The following CDH19 variants were observed in gnomAD, a reference collection of about 807,000 sequenced individuals.
The protein encoded by CDH19 is cadherin 19.
CDH19 carries 67 observed loss-of-function variants against 64.2 expected under a neutral mutation model. The ratio of observed to expected loss-of-function variants is 1.04; its 90% CI spans 0.86 to 1.28. The LOEUF is 1.28. CDH19 is among the 50% of genes most tolerant of loss of function. The pLI is 0.00. For missense variants in CDH19, 1,030 were observed against 929.0 expected, an observed-to-expected ratio of 1.11 and a Z score of -1.41; for synonymous variants, 346 against 319.3, an observed-to-expected ratio of 1.08 and a Z score of -0.89.
intron 9 of CDH19, among the ~76,000 whole-genome samples, chr18:66,526,953 T>C (rs938224997): frequency 6.6e-6 from 1 of 151,876 alleles, no homozygotes; most frequent in Non-Finnish European, 1.5e-5. Flanking sequence ...TGTCCAGTAA[T>C]ATTTGAATAA....
intron 1 of CDH19, among the ~76,000 whole-genome samples, chr18:66,578,305 T>TG (rs1988323988): frequency 6.6e-6 from 1 of 151,974 alleles, no homozygotes; most frequent in Admixed American, 6.6e-5. Context: ...CACAATTTTT[T>TG]TAAATACGCA....
chr18:66,510,566 A>C (rs1249996942), intron 10 of CDH19, among the ~76,000 whole-genome samples: 1 of 140,030 alleles, frequency 7.1e-6, no homozygotes, highest in Non-Finnish European at 1.5e-5. Context: ...AAATAAAATA[A>C]CGTTGAAGTC....
At chr18:66,511,025 A>G (rs2144346401) in intron 10 of CDH19, among the ~76,000 whole-genome samples, 1 of 151,914 alleles carries the variant, frequency 6.6e-6, no homozygotes, top group East Asian at 1.9e-4. Flanking sequence ...CCACCTCTAC[A>G]GAAAGGAAAA....
At chr18:66,602,494 AC>A (rs1290152745) in intron 1 of CDH19, among the ~76,000 whole-genome samples, 1 of 151,924 alleles carries the variant, frequency 6.6e-6, no homozygotes, top group African/African-American at 2.4e-5. Context: ...TACCTTACAA[AC>A]ATTCCTAAGT....
chr18:66,556,511 T>C (rs1166290132), intron 3 of CDH19, among the ~76,000 whole-genome samples: 2 of 151,814 alleles, frequency 1.3e-5, no homozygotes, highest in African/African-American at 4.8e-5. Flanking sequence ...ATAAATAAGA[T>C]CATGCAATAT....
At chr18:66,588,318 C>T (rs1033473776) in intron 1 of CDH19, among the ~76,000 whole-genome samples, 2 of 151,982 alleles carry the variant, frequency 1.3e-5, no homozygotes, top group African/African-American at 2.4e-5. Context: ...CTGGAATAAC[C>T]AGGTTGGAAA....
chr18:66,591,136 C>A (rs1988731670), intron 1 of CDH19, among the ~76,000 whole-genome samples: 1 of 151,842 alleles, frequency 6.6e-6, no homozygotes, highest in Non-Finnish European at 1.5e-5. Flanking sequence ...TCTTCAGCTG[C>A]AAGACGATTT....
intron 7 of CDH19, among the ~76,000 whole-genome samples, chr18:66,537,667 AG>A (rs1203599151): frequency 6.6e-6 from 1 of 152,072 alleles, no homozygotes; most frequent in Admixed American, 6.6e-5. Flanking sequence ...TGGAACCACA[AG>A]ATGCTCCAGG....
At position 66,544,006 on chromosome 18, in the gene CDH19, A is replaced by G. The variant is rs772710474; in HGVS notation, c.1179T>C (p.Ser393=). The G allele has an allele frequency of 6.2e-7, 1 of 1,613,660 alleles. No individual in the cohort carries two copies. The highest frequency in any genetic ancestry group is 1.7e-5 in the Admixed American group (1 of 60,016). Residue 393 remains serine (S), a synonymous_variant, in exon 7 of 12, where the codon TCT becomes TCC. Transcript: ENST00000262150. ...TPQGSFVGVV[S]ATDPDNRKSP... is the part of the protein sequence containing the mutation. ...ATTTCCTATTGTCTGGGTCTGTGGC[A>G]GACACCACGCCTACAAATGATCCCT... is the stretch of plus-strand genomic sequence containing the variant.
At chr18:66,595,455 A>AG (rs748123135) in intron 1 of CDH19, among the ~76,000 whole-genome samples, 159 of 150,728 alleles carry the variant, frequency 1.1e-3, no homozygotes, top group Middle Eastern at 6.8e-3. Flanking sequence ...GAAAAAAAAA[A>AG]GGATCCAAAT....
chr18:66,527,205 T>C (rs1986258004), intron 9 of CDH19, among the ~76,000 whole-genome samples: 1 of 151,956 alleles, frequency 6.6e-6, no homozygotes, highest in African/African-American at 2.4e-5. Context: ...TAACAAATAC[T>C]ACTTAGTAAT....
At position 66,583,849 on chromosome 18, in the gene CDH19, A is replaced by T. The variant is rs142584802; in HGVS notation, c.-112-11533T>A. ...TTCCTTACACCACATACAAAAATCA[A>T]TTCAAAATGGATTAAAGACTTAAAC... On this transcript the variant is annotated intron_variant, in intron 1 of 11. Coordinates refer to ENST00000262150, the MANE Select transcript of CDH19 (RefSeq NM_021153.4). Among the ~76,000 whole-genome samples the T allele has an allele frequency of 7.1e-3, 1,080 of 152,236 alleles. 8 individuals carry two copies. Among genetic ancestry groups the T allele is most frequent in the African/African-American group, 0.024 (1,005 of 41,564 alleles).
At chr18:66,554,327 T>C in intron 4 of CDH19, 78 bp downstream of exon 4, 1 of 1,456,142 alleles carries the variant, frequency 6.9e-7, no homozygotes, top group Non-Finnish European at 9.5e-7. Context: ...GTAAAACATG[T>C]TTCTAAGCAG....
At chr18:66,600,539 C>G (rs574530762) in intron 1 of CDH19, among the ~76,000 whole-genome samples, 1 of 151,742 alleles carries the variant, frequency 6.6e-6, no homozygotes, top group Admixed American at 6.6e-5. Flanking sequence ...TACACACACA[C>G]GTACACAAAA....
intron 1 of CDH19, among the ~76,000 whole-genome samples, chr18:66,582,053 A>G (rs1251769188): frequency 6.6e-6 from 1 of 152,152 alleles, no homozygotes; most frequent in Non-Finnish European, 1.5e-5. Context: ...AATGGAAGAA[A>G]AAAATGCATA....
At chr18:66,579,699 T>C (rs1430015383) in intron 1 of CDH19, among the ~76,000 whole-genome samples, 1 of 152,040 alleles carries the variant, frequency 6.6e-6, no homozygotes, top group African/African-American at 2.4e-5. Flanking sequence ...ATTGTTTGGG[T>C]CATGACTTTA....
intron 1 of CDH19, among the ~76,000 whole-genome samples, chr18:66,585,045 CA>C (rs1988535913): frequency 6.6e-6 from 1 of 151,972 alleles, no homozygotes; most frequent in South Asian, 2.1e-4. Context: ...AAATTGGTCT[CA>C]CAGTTGAACA....
Position 66,501,989 on chromosome 18 carries a change from A to G in CDH19, c.*2823T>C, listed in dbSNP as rs1356589300. Reference sequence around the variant, plus strand: ...CAAAGCTGTGAGTCAACTAAGGGAGATATTTAAGTACTGTGGGTATTAATG... The same window carrying G: ...CAAAGCTGTGAGTCAACTAAGGGAGGTATTTAAGTACTGTGGGTATTAATG... On this transcript the variant is annotated 3_prime_UTR_variant, in exon 12 of 12. Transcript: ENST00000262150. 6.6e-6 allele frequency: 1 copy of G among 152,046 alleles called. No individual in the cohort carries two copies. Among genetic ancestry groups the G allele is most frequent in the East Asian group, 1.9e-4 (1 of 5,168 alleles). The allele number at this position is 152,046 out of a possible 1,614,324, so 9.4% of individuals were successfully genotyped here.
intron 9 of CDH19, among the ~76,000 whole-genome samples, chr18:66,524,745 G>A (rs1284045147): frequency 6.6e-6 from 1 of 151,836 alleles, no homozygotes; most frequent in Non-Finnish European, 1.5e-5. Flanking sequence ...TCTTCTTTTA[G>A]TTTCTGGTAT....
Sources: gnomAD v4.1 joint callset for allele counts (sites outside exome capture counted in the v4.1 genomes callset) on GRCh38, gnomAD v4.1.1 for gene constraint, MANE v1.5 for transcripts, NCBI Gene and HGNC (gene_info 2026-07-23, HGNC 2026-07-21) for gene names.